SMAD7: variants seen among roughly 807,000 people sequenced by gnomAD.
SMAD7 encodes SMAD family member 7.
A neutral mutation model predicts 38.7 loss-of-function variants in SMAD7; 8 were observed. The observed-to-expected ratio is 0.21, with a 90% confidence interval of 0.12 to 0.37. The LOEUF is 0.37. SMAD7 is among the 10% of genes least tolerant of loss of function. The pLI, the probability that SMAD7 is intolerant of heterozygous loss-of-function variation, is 1.00. For missense variants in SMAD7, 477 were observed against 577.9 expected, an observed-to-expected ratio of 0.83 and a Z score of 1.79; for synonymous variants, 327 against 265.1, an observed-to-expected ratio of 1.23 and a Z score of -2.27.
intron 3 of SMAD7, among the ~76,000 whole-genome samples, chr18:48,939,940 C>A (rs531996488): frequency 2.0e-5 from 3 of 151,992 alleles, no homozygotes; most frequent in East Asian, 3.9e-4. Context: ...GGCCACCCCC[C>A]ATGGAACGAT....
In SMAD7 at chr18:48,921,975, A is replaced by T. The variant is rs1599217939; in HGVS notation, c.743-65T>A. 1 of 1,285,574 alleles carries T rather than the reference A, an allele frequency of 7.8e-7. No homozygotes were observed. The highest frequency in any genetic ancestry group is 1.1e-6 in the Non-Finnish European group (1 of 938,270). The allele number at this position is 1,285,574 out of a possible 1,614,324, so 79.6% of individuals were successfully genotyped here. ...CATTGGTGACTCCTAGAATGAAGAC[A>T]CCCGCCCCCCCACTGCACCCAGTCA... On this transcript the variant is annotated intron_variant, in intron 3 of 3. Transcript: ENST00000262158. This position sits in a 1 kb window ranked among gnomAD's most constrained non-coding sequence, Gnocchi z 6.4.
intron 1 of SMAD7, chr18:48,949,203 T>A: frequency 1.3e-6 from 1 of 741,864 alleles, no homozygotes; most frequent in African/African-American, 1.9e-5. Context: ...ACCCTGGGGC[T>A]GGCAGAGTTG....
At chr18:48,948,776 C>T (rs1213537882) in intron 1 of SMAD7, among the ~76,000 whole-genome samples, 2 of 152,246 alleles carry the variant, frequency 1.3e-5, no homozygotes, top group Non-Finnish European at 2.9e-5. Context: ...ACTCCAGACC[C>T]AGCTCCCAGC....
chr18:48,937,423 C>A, intron 3 of SMAD7, among the ~76,000 whole-genome samples: 1 of 152,280 alleles, frequency 6.6e-6, no homozygotes, highest in Middle Eastern at 3.4e-3. Context: ...GGACAGGATG[C>A]GTGAGGCGGC....
intron 3 of SMAD7, among the ~76,000 whole-genome samples, chr18:48,925,436 C>CCG (rs1555715621): frequency 3.3e-4 from 15 of 45,960 alleles, no homozygotes; most frequent in African/African-American, 8.8e-4. Context: ...GGTGTTGCCC[C>CCG]CCCCCAACCT....
At chr18:48,932,662 T>C (rs4464148) in intron 3 of SMAD7, among the ~76,000 whole-genome samples, 37,105 of 152,060 alleles carry the variant, frequency 0.24, 4,959 homozygotes, top group Middle Eastern at 0.36. Context: ...GAAGGATGAA[T>C]GTGAAAAGGA....
rs375582985 is a variant in SMAD7, at chr18:48,949,963, C to A, written c.462G>T (p.Ser154=). Reference sequence around the variant, plus strand: ...ACACTTTGCACAGCAGGAGGGGGAGCGAGTAGGACGAGGGCGGCTGCGCAG... The same window carrying A: ...ACACTTTGCACAGCAGGAGGGGGAGAGAGTAGGACGAGGGCGGCTGCGCAG... ...AQPAQPPSSY[S]LPLLLCKVFR... is the part of the protein sequence containing the mutation. Residue 154 remains serine (S), a synonymous_variant, in exon 1 of 4, where the codon TCG becomes TCT. Transcript: ENST00000262158. 1.2e-6 allele frequency: 2 copies of A among 1,609,136 alleles called. No homozygotes were observed. The highest frequency in any genetic ancestry group is 1.1e-5 in the South Asian group (1 of 90,630).
chr18:48,940,964 C>G (rs192075477), intron 3 of SMAD7, among the ~76,000 whole-genome samples: 6 of 152,176 alleles, frequency 3.9e-5, no homozygotes, highest in Non-Finnish European at 8.8e-5. Flanking sequence ...GAAGACAAAC[C>G]TTCCGAAAGG....
chr18:48,933,270 T>A lies in SMAD7; in HGVS notation c.742+9211A>T, dbSNP rs936692121. On this transcript the variant is annotated intron_variant, in intron 3 of 3. Transcript: ENST00000262158. The stretch of plus-strand genomic sequence containing the variant: ...GCACCTCCCCCACCTATGGCCTGGC[T>A]TCATGGAGGGACCAGGCTCCTCTGT... Among the ~76,000 whole-genome samples the A allele has an allele frequency of 1.4e-4, 21 of 151,902 alleles. 1 individual carries two copies. The highest frequency in any genetic ancestry group is 1.1e-3 in the Admixed American group (17 of 15,268).
intron 3 of SMAD7, among the ~76,000 whole-genome samples, chr18:48,939,150 C>A (rs1055474826): frequency 1.3e-5 from 2 of 151,670 alleles, no homozygotes; most frequent in Non-Finnish European, 2.9e-5. Context: ...CAAAACCCAC[C>A]CACCCACACA....
At chr18:48,932,526 C>T (rs961514079) in intron 3 of SMAD7, among the ~76,000 whole-genome samples, 4 of 152,176 alleles carry the variant, frequency 2.6e-5, no homozygotes, top group Admixed American at 6.5e-5. Context: ...TCAAACCCCC[C>T]AGCAAAAGCA....
chr18:48,931,522 C>T, intron 3 of SMAD7, among the ~76,000 whole-genome samples: 1 of 152,192 alleles, frequency 6.6e-6, no homozygotes, highest in Non-Finnish European at 1.5e-5. Context: ...CCTCAGCTTT[C>T]ACCCATACTT....
chr18:48,949,901 T>G lies in SMAD7; in HGVS notation c.524A>C (p.Lys175Thr), dbSNP rs762811026. The change falls in exon 1 of 4, where the codon AAG becomes ACG. Residue 175 changes from lysine (K) to threonine (T), a missense_variant. By Grantham distance (78) the Lys-to-Thr change is moderately conservative. Transcript: ENST00000262158. ...GTAAGATTCACAGCAACACAGCCTC[T>G]TGACTTCCGAGGAATGCCTGAGATC... Reference protein sequence around the residue: ...WPDLRHSSEVKRLCCCESYGK... With the variant: ...WPDLRHSSEVTRLCCCESYGK... The G allele has an allele frequency of 6.2e-7, 1 of 1,613,750 alleles. No homozygotes were observed. The highest frequency in any genetic ancestry group is 8.5e-7 in the Non-Finnish European group (1 of 1,179,896).
At position 48,950,156 on chromosome 18, in the gene SMAD7, G is replaced by C; in HGVS notation, c.269C>G (p.Ala90Gly). ...CGAGTGCGTGAGCGCCTTCAGATCCGCCTCGGCGCCCCCGGCCGCGCCGGC... is the reference window on the plus strand; with the variant it reads ...CGAGTGCGTGAGCGCCTTCAGATCCCCCTCGGCGCCCCCGGCCGCGCCGGC... Reference protein sequence around the residue: ...AGAGAAGGAEADLKALTHSVL... With the variant: ...AGAGAAGGAEGDLKALTHSVL... Residue 90 changes from alanine to glycine, a missense_variant, in exon 1 of 4, where the codon GCG becomes GGG. Coordinates refer to ENST00000262158, the MANE Select transcript of SMAD7 (RefSeq NM_005904.4). The C allele has an allele frequency of 6.7e-7, 1 of 1,491,270 alleles. No homozygotes were observed. Among genetic ancestry groups the C allele is most frequent in the Non-Finnish European group, 8.9e-7 (1 of 1,125,718 alleles). 92.4% of individuals were successfully genotyped at this position (1,491,270 alleles called of 1,614,324 possible). A position where few individuals can be genotyped will look rare whatever the true frequency, so the allele number is the denominator to read the frequency against.
chr18:48,929,225 A>G (rs1370824671), intron 3 of SMAD7, among the ~76,000 whole-genome samples: 1 of 152,172 alleles, frequency 6.6e-6, no homozygotes, highest in Non-Finnish European at 1.5e-5. Flanking sequence ...AGTAACTCAG[A>G]GCAGCTCTCT....
chr18:48,942,572 G>A lies in SMAD7; in HGVS notation c.668-17C>T, dbSNP rs2070153479. On this transcript the variant is annotated splice_polypyrimidine_tract_variant and intron_variant, in intron 2 of 3. Coordinates refer to ENST00000262158, the MANE Select transcript of SMAD7 (RefSeq NM_005904.4). ...GACAGTCTGCTGTGGATTTGAAAAG[G>A]GGAGAGAAAGAAATAAATACACAAA... is the stretch of plus-strand genomic sequence containing the variant. 2 of 1,613,546 alleles carry A rather than the reference G, an allele frequency of 1.2e-6. No individual in the cohort carries two copies. Among genetic ancestry groups the A allele is most frequent in the African/African-American group, 2.7e-5 (2 of 75,034 alleles).
chr18:48,947,926 C>A (rs984674403), intron 2 of SMAD7, among the ~76,000 whole-genome samples: 1 of 131,898 alleles, frequency 7.6e-6, no homozygotes, highest in African/African-American at 2.9e-5. Context: ...GTTGCCTATA[C>A]TTCTGAAAAG....
rs3082710 is a variant in SMAD7, at chr18:48,929,569, T to TCTCTCACA, written c.743-7660_743-7659insTGTGAGAG. Among the ~76,000 whole-genome samples the TCTCTCACA allele has an allele frequency of 4.1e-3, 475 of 114,616 alleles. 18 individuals are homozygous for TCTCTCACA. In the East Asian group the frequency reaches 0.08, roughly 19 times the overall value. The allele number at this position is 114,616 out of a possible 152,430, so 75.2% of individuals were successfully genotyped here. A position where few individuals can be genotyped will look rare whatever the true frequency, so the allele number is the denominator to read the frequency against. On this transcript the variant is annotated intron_variant, in intron 3 of 3. Coordinates refer to ENST00000262158, the MANE Select transcript of SMAD7 (RefSeq NM_005904.4). Reference sequence around the variant, plus strand: ...CTCTCTTTCTCTCTCTCTCTCTCTCTCACTCACACACACACACACACACAC... The same window carrying TCTCTCACA: ...CTCTCTTTCTCTCTCTCTCTCTCTCTCTCTCACACACTCACACACACACACACACACAC...
intron 3 of SMAD7, among the ~76,000 whole-genome samples, chr18:48,930,942 C>A (rs2143776926): frequency 6.6e-6 from 1 of 152,248 alleles, no homozygotes; most frequent in East Asian, 1.9e-4. Context: ...ATAAATCAAC[C>A]AGACATGGAA....
Sources: allele counts gnomAD v4.1 joint callset (sites outside exome capture counted in the v4.1 genomes callset), GRCh38; gene constraint gnomAD v4.1.1; non-coding constraint Gnocchi (gnomAD v3.1); transcripts MANE v1.5; gene names NCBI Gene and HGNC (gene_info 2026-07-23, HGNC 2026-07-21).